MRPL30: variants seen among roughly 807,000 people sequenced by gnomAD.
MRPL30 encodes large ribosomal subunit protein uL30m.
MRPL30 carries 10 observed loss-of-function variants against 17.2 expected under a neutral mutation model. The ratio of observed to expected loss-of-function variants is 0.58; its 90% confidence interval spans 0.36 to 0.99. The LOEUF is 0.99. Ranked by LOEUF, MRPL30 falls within the 50% of genes least tolerant of loss-of-function variation. MRPL30 has a pLI of 0.01. For synonymous variants in MRPL30, 61 were observed against 62.1 expected (o/e 0.98, Z 0.08); for missense variants, 170 against 189.8 (o/e 0.90, Z 0.61).
Position 99,196,427 on chromosome 2 carries a change from A to C in MRPL30, c.*722A>C, listed in dbSNP as rs1275728172. 1 of 152,328 alleles carries C rather than the reference A, an allele frequency of 6.6e-6. No individual in the cohort carries two copies. The highest frequency in any genetic ancestry group is 1.5e-5 in the Non-Finnish European group (1 of 68,182). 9.4% of individuals were successfully genotyped at this position (152,328 alleles called of 1,614,324 possible). A position where few individuals can be genotyped will look rare whatever the true frequency, so the allele number is the denominator to read the frequency against. The stretch of plus-strand genomic sequence containing the variant: ...GTGATCCTCCCACCTCAGCCTCCAG[A>C]GTAGCTAGGACTACAGGCAGTGTGC... On this transcript the variant is annotated 3_prime_UTR_variant, in exon 6 of 6. Transcript: ENST00000338148.
chr2:99,188,981 G>A (rs1046408834), intron 3 of MRPL30, among the ~76,000 whole-genome samples: 3 of 152,146 alleles, frequency 2.0e-5, no homozygotes, highest in Non-Finnish European at 4.4e-5. Context: ...GATTACAGGC[G>A]CCTGGCCTGT....
intron 3 of MRPL30, 55 bp downstream of exon 3, chr2:99,188,312 A>G: frequency 7.5e-7 from 1 of 1,331,402 alleles, no homozygotes; most frequent in Non-Finnish European, 1.0e-6. Flanking sequence ...AAATGTTTTA[A>G]GTGGTACCCG....
chr2:99,191,456 G>T (rs543829096), intron 3 of MRPL30, among the ~76,000 whole-genome samples: 5 of 152,220 alleles, frequency 3.3e-5, no homozygotes, highest in Admixed American at 2.0e-4. Context: ...AAAAAAGAGG[G>T]TGCGTCTCTT....
rs192979035 is a variant in MRPL30 at position 99,196,456 on chromosome 2, C to T, written c.*751C>T. 5 of 152,176 alleles carry T rather than the reference C, an allele frequency of 3.3e-5. No individual in the cohort carries two copies. The highest frequency in any genetic ancestry group is 1.2e-4 in the African/African-American group (5 of 41,494). 9.4% of individuals were successfully genotyped at this position (152,176 alleles called of 1,614,324 possible). On this transcript the variant is annotated 3_prime_UTR_variant, in exon 6 of 6. Coordinates refer to ENST00000338148, the MANE Select transcript of MRPL30 (RefSeq NM_145212.4). ...GCTAGGACTACAGGCAGTGTGCCAC[C>T]ACATCCAGCTAATTTTTTAAAGTTT... is the stretch of plus-strand genomic sequence containing the variant.
At position 99,196,259 on chromosome 2, in the gene MRPL30, C is replaced by T. The variant is rs1392056141; in HGVS notation, c.*554C>T. ...CATCTGCGTTTGGGTCTACTGCCACCTTAGCAAGCCTCATTAACCATTTTA... is the reference window on the plus strand; with the variant it reads ...CATCTGCGTTTGGGTCTACTGCCACTTTAGCAAGCCTCATTAACCATTTTA... On this transcript the variant is annotated 3_prime_UTR_variant, in exon 6 of 6. Transcript: ENST00000338148. The T allele has an allele frequency of 1.3e-5, 2 of 153,744 alleles. No homozygotes were observed. Among genetic ancestry groups the T allele is most frequent in the African/African-American group, 4.8e-5 (2 of 41,414 alleles). 9.5% of individuals were successfully genotyped at this position (153,744 alleles called of 1,614,324 possible).
intron 3 of MRPL30, among the ~76,000 whole-genome samples, chr2:99,192,299 G>A (rs114241760): frequency 0.017 from 2,540 of 151,712 alleles, 61 homozygotes; most frequent in African/African-American, 0.057. Context: ...TTTAAGTTCC[G>A]GTATACACGT....
intron 5 of MRPL30, 108 bp downstream of exon 5, chr2:99,195,297 AATTTT>A: frequency 1.8e-6 from 2 of 1,107,572 alleles, no homozygotes; most frequent in Non-Finnish European, 2.6e-6. Context: ...AAAAAACTAA[AATTTT>A]ATTTTGTTTT....
At chr2:99,191,610 CTGTTACAGCTACTGTAGTTCAGGCTCT>C (rs1296687052) in intron 3 of MRPL30, among the ~76,000 whole-genome samples, 11 of 152,156 alleles carry the variant, frequency 7.2e-5, no homozygotes, top group African/African-American at 2.4e-4. Context: ...AGTCCTTTTT[CTGTTACAGCTACTGTAGTTCAGGCTCT>C]TAAACCATGG....
At chr2:99,193,399 A>G (rs1029958076) in intron 3 of MRPL30, among the ~76,000 whole-genome samples, 1 of 152,224 alleles carries the variant, frequency 6.6e-6, no homozygotes, top group Non-Finnish European at 1.5e-5. Flanking sequence ...GTTTTTAATC[A>G]TGAATGATAT....
chr2:99,183,025 T>TG (rs2093928103), intron 1 of MRPL30, among the ~76,000 whole-genome samples: 1 of 152,174 alleles, frequency 6.6e-6, no homozygotes, highest in African/African-American at 2.4e-5. Context: ...TGATGTGATC[T>TG]GGGTTGACCT....
chr2:99,183,077 AG>A (rs2093928278), intron 1 of MRPL30, among the ~76,000 whole-genome samples: 1 of 152,192 alleles, frequency 6.6e-6, no homozygotes, highest in Admixed American at 6.5e-5. Flanking sequence ...GAAAAAGATA[AG>A]GAAATTAGCC....
At chr2:99,185,108 C>G (rs550745214) in intron 1 of MRPL30, among the ~76,000 whole-genome samples, 1 of 152,262 alleles carries the variant, frequency 6.6e-6, no homozygotes, top group East Asian at 1.9e-4. Flanking sequence ...AGCGTGAACG[C>G]TACTGTGAAC....
At chr2:99,188,128 T>C in intron 2 of MRPL30, 49 bp from the exon 3 acceptor site, 1 of 1,382,104 alleles carries the variant, frequency 7.2e-7, no homozygotes, top group Non-Finnish European at 9.9e-7. Flanking sequence ...GGTATGGATT[T>C]CTCTACTGAC....
At chr2:99,183,568 C>CA (rs35487170) in intron 1 of MRPL30, among the ~76,000 whole-genome samples, 78,126 of 131,448 alleles carry the variant, frequency 0.59, 22,384 homozygotes, top group East Asian at 0.87. Flanking sequence ...GACTCTGTCT[C>CA]AAAAAAAAAA....
intron 1 of MRPL30, among the ~76,000 whole-genome samples, chr2:99,185,032 T>G (rs2093931747): frequency 6.6e-6 from 1 of 152,180 alleles, no homozygotes; most frequent in South Asian, 2.1e-4. Flanking sequence ...TGAGCTGTGG[T>G]TGAGTGAGCA....
intron 3 of MRPL30, among the ~76,000 whole-genome samples, chr2:99,192,308 G>A (rs564168757): frequency 6.6e-6 from 1 of 151,960 alleles, no homozygotes; most frequent in East Asian, 1.9e-4. Flanking sequence ...CGGTATACAC[G>A]TGCAGATTTG....
intron 2 of MRPL30, among the ~76,000 whole-genome samples, chr2:99,186,703 A>G (rs1559189091): frequency 6.6e-6 from 1 of 152,210 alleles, no homozygotes; most frequent in African/African-American, 2.4e-5. Flanking sequence ...AGAATCAAAA[A>G]AGATCTTTTT....
Position 99,197,520 on chromosome 2 carries a change from C to T in MRPL30, c.*1815C>T, listed in dbSNP as rs1353309884. The T allele has an allele frequency of 6.6e-6, 1 of 152,184 alleles. No homozygotes were observed. The highest frequency in any genetic ancestry group is 1.5e-5 in the Non-Finnish European group (1 of 68,040). 9.4% of individuals were successfully genotyped at this position (152,184 alleles called of 1,614,324 possible). Reference sequence around the variant, plus strand: ...CAAAGGACACTAACTTCTAAGAGCTCCGTCTAGTTGGAGAGAAACCTGTGT... The same window carrying T: ...CAAAGGACACTAACTTCTAAGAGCTTCGTCTAGTTGGAGAGAAACCTGTGT... On this transcript the variant is annotated 3_prime_UTR_variant, in exon 6 of 6. Coordinates refer to ENST00000338148, the MANE Select transcript of MRPL30 (RefSeq NM_145212.4).
At chr2:99,195,485 T>C (rs2093953579) in intron 5 of MRPL30, 88 bp from the exon 6 acceptor site, 1 of 1,393,238 alleles carries the variant, frequency 7.2e-7, no homozygotes, top group Admixed American at 2.4e-5. Context: ...TTTGAAACTA[T>C]GTGTTATTGT....
Sources: gnomAD v4.1 joint callset for allele counts (sites outside exome capture counted in the v4.1 genomes callset) on GRCh38, gnomAD v4.1.1 for gene constraint, MANE v1.5 for transcripts, NCBI Gene and HGNC (gene_info 2026-07-23, HGNC 2026-07-21) for gene names.